Variants in CCDC6 observed in about 807,000 individuals in gnomAD.
CCDC6 encodes coiled-coil domain-containing protein 6.
A neutral mutation model predicts 56.6 loss-of-function variants in CCDC6; 20 were observed. The observed-to-expected ratio is 0.35, with a 90% CI of 0.25 to 0.51. The LOEUF is 0.51. Ranked by LOEUF, CCDC6 falls within the 20% of genes least tolerant of loss-of-function variation. CCDC6 has a pLI of 0.95. For synonymous variants in CCDC6, 241 were observed against 234.4 expected (o/e 1.03, Z -0.26); for missense variants, 367 against 601.1 (o/e 0.61, Z 4.07).
rs1385949496 is a variant in CCDC6 at position 59,843,726 on chromosome 10, C to T, written c.453+8827G>A. 3.3e-5 allele frequency among the ~76,000 whole-genome samples: 5 copies of T among 152,304 alleles called. No individual in the cohort carries two copies. The East Asian group carries it at 9.6e-4, about 29-fold the overall frequency. ...TAACTTGCTCCAGAAAATTCCATCT[C>T]CTTTGGCTAAGCACCATAAGTCTGG... is the stretch of plus-strand genomic sequence containing the variant. On this transcript the variant is annotated intron_variant, in intron 2 of 8. Transcript: ENST00000263102.
intron 3 of CCDC6, among the ~76,000 whole-genome samples, chr10:59,822,884 C>A (rs1031478869): frequency 6.8e-6 from 1 of 146,188 alleles, no homozygotes; most frequent in Admixed American, 6.8e-5. Flanking sequence ...CCTGTCCCAC[C>A]CCACCCTATG....
At chr10:59,841,461 A>G (rs893396961) in intron 2 of CCDC6, among the ~76,000 whole-genome samples, 3 of 152,122 alleles carry the variant, frequency 2.0e-5, no homozygotes, top group Non-Finnish European at 4.4e-5. Context: ...CAGAAATACA[A>G]TTTTTCATAT....
rs946776512 is a variant in CCDC6, at chr10:59,791,915, A to C, written c.*1002T>G. 10 of 220,894 alleles carry C rather than the reference A, an allele frequency of 4.5e-5. No individual in the cohort carries two copies. The highest frequency in any genetic ancestry group is 7.3e-5 in the Non-Finnish European group (8 of 110,198). 13.7% of individuals were successfully genotyped at this position (220,894 alleles called of 1,614,324 possible). A position where few individuals can be genotyped will look rare whatever the true frequency, so the allele number is the denominator to read the frequency against. Reference sequence around the variant, plus strand: ...TTAGACCTTATTTTCTTTTCTGCCAAGCAATACAATATTTTCTGGCCATTA... The same window carrying C: ...TTAGACCTTATTTTCTTTTCTGCCACGCAATACAATATTTTCTGGCCATTA... On this transcript the variant is annotated 3_prime_UTR_variant, in exon 9 of 9. Transcript: ENST00000263102.
intron 1 of CCDC6, among the ~76,000 whole-genome samples, chr10:59,888,225 G>A (rs1342032478): frequency 1.3e-5 from 2 of 152,232 alleles, no homozygotes; most frequent in Admixed American, 1.3e-4. Flanking sequence ...GGAAGCCATA[G>A]ATGCCAGTCC....
intron 1 of CCDC6, among the ~76,000 whole-genome samples, chr10:59,881,634 A>G (rs534579338): frequency 6.6e-6 from 1 of 152,358 alleles, no homozygotes; most frequent in African/African-American, 2.4e-5. Flanking sequence ...AAAGTCCAAT[A>G]TTCAAATGAA....
intron 1 of CCDC6, among the ~76,000 whole-genome samples, chr10:59,903,858 G>A (rs2071522026): frequency 6.6e-6 from 1 of 152,140 alleles, no homozygotes; most frequent in Admixed American, 6.5e-5. Context: ...ATTTCATGGA[G>A]TCACATAAAT....
intron 1 of CCDC6, among the ~76,000 whole-genome samples, chr10:59,876,094 G>A (rs151007627): frequency 1.4e-3 from 14 of 10,362 alleles, no homozygotes; most frequent in East Asian, 0.013. Flanking sequence ...TTTTTTTTCA[G>A]ATCGAGTCTC....
intron 1 of CCDC6, among the ~76,000 whole-genome samples, chr10:59,884,639 G>A (rs945897155): frequency 1.5e-5 from 2 of 130,512 alleles, no homozygotes; most frequent in Admixed American, 8.1e-5. Context: ...CTCATGAGAT[G>A]TGTAAAGTAG....
Position 59,806,906 on chromosome 10 carries a change from T to C in CCDC6, c.1004+16A>G, listed in dbSNP as rs1382435687. ...ATTTTTTAAACAAAAACAAGGCTCA[T>C]AAGACATGCACACACCTTTCGTCGT... On this transcript the variant is annotated intron_variant, in intron 6 of 8. Transcript: ENST00000263102. The C allele has an allele frequency of 6.2e-7, 1 of 1,605,886 alleles. No homozygotes were observed. The highest frequency in any genetic ancestry group is 8.5e-7 in the Non-Finnish European group (1 of 1,177,116).
chr10:59,851,234 G>C (rs2071036913), intron 2 of CCDC6, among the ~76,000 whole-genome samples: 1 of 149,938 alleles, frequency 6.7e-6, no homozygotes, highest in African/African-American at 2.5e-5. Flanking sequence ...ACATCCCCAT[G>C]ATTCTAGAAG....
intron 2 of CCDC6, among the ~76,000 whole-genome samples, chr10:59,839,991 A>G (rs1320946678): frequency 6.6e-6 from 1 of 151,976 alleles, no homozygotes; most frequent in East Asian, 1.9e-4. Context: ...ACACCCAGCT[A>G]ATTTTTCTAT....
At chr10:59,832,319 A>G (rs1406602447) in intron 3 of CCDC6, among the ~76,000 whole-genome samples, 1 of 152,198 alleles carries the variant, frequency 6.6e-6, no homozygotes, top group Non-Finnish European at 1.5e-5. Context: ...AACTTTATTA[A>G]TTGTGGTTAA....
At chr10:59,808,749 C>T (rs942305405) in intron 5 of CCDC6, among the ~76,000 whole-genome samples, 2 of 152,222 alleles carry the variant, frequency 1.3e-5, no homozygotes, top group African/African-American at 4.8e-5. Context: ...TTTCAACTCT[C>T]AATGCCCATC....
chr10:59,844,464 G>A (rs1191940058), intron 2 of CCDC6, among the ~76,000 whole-genome samples: 1 of 148,960 alleles, frequency 6.7e-6, no homozygotes, highest in Non-Finnish European at 1.5e-5. Flanking sequence ...GATTTTTAAA[G>A]TCCTTGCAGG....
intron 1 of CCDC6, among the ~76,000 whole-genome samples, chr10:59,857,107 G>C (rs2071086612): frequency 6.6e-6 from 1 of 152,072 alleles, no homozygotes; most frequent in Non-Finnish European, 1.5e-5. Context: ...GTTAATGTGA[G>C]GACTAGACCA....
chr10:59,868,773 C>T (rs955163795), intron 1 of CCDC6, among the ~76,000 whole-genome samples: 5 of 152,148 alleles, frequency 3.3e-5, no homozygotes, highest in African/African-American at 1.2e-4. Context: ...AGTAAAAACC[C>T]TCGGCTCCAA....
chr10:59,838,396 C>T (rs2070904925), intron 2 of CCDC6, among the ~76,000 whole-genome samples: 1 of 152,166 alleles, frequency 6.6e-6, no homozygotes, highest in African/African-American at 2.4e-5. Context: ...ATGTCCTGCT[C>T]AAAACTCTTC....
intron 1 of CCDC6, among the ~76,000 whole-genome samples, chr10:59,873,024 T>C (rs1249622339): frequency 3.9e-5 from 6 of 152,168 alleles, no homozygotes; most frequent in Admixed American, 3.3e-4. Context: ...ATGAGGCTCT[T>C]TGCAGCTTTA....
In CCDC6 at chr10:59,843,689, C is replaced by G. The variant is rs1398881369; in HGVS notation, c.453+8864G>C. The stretch of plus-strand genomic sequence containing the variant: ...TTTATCAGCAGGAGAAGCTTGTAGC[C>G]TAGGATGATAGTAACTTGCTCCAGA... On this transcript the variant is annotated intron_variant, in intron 2 of 8. Coordinates refer to ENST00000263102, the MANE Select transcript of CCDC6 (RefSeq NM_005436.5). 2.6e-5 allele frequency among the ~76,000 whole-genome samples: 4 copies of G among 152,130 alleles called. No individual in the cohort carries two copies. The East Asian group carries it at 7.7e-4, about 29-fold the overall frequency.
Sources: gnomAD v4.1 joint callset for allele counts (sites outside exome capture counted in the v4.1 genomes callset) on GRCh38, gnomAD v4.1.1 for gene constraint, MANE v1.5 for transcripts, NCBI Gene and HGNC (gene_info 2026-07-23, HGNC 2026-07-21) for gene names.